MUSK: variants seen among roughly 807,000 people sequenced by gnomAD.
MUSK encodes muscle, skeletal receptor tyrosine-protein kinase.
Under a neutral mutation model 88.7 loss-of-function variants are expected in MUSK, and 55 were observed. That is an observed-to-expected ratio of 0.62 (90% CI 0.50 to 0.78). The LOEUF (loss-of-function observed/expected upper bound fraction) is 0.78. MUSK is among the 30% of genes least tolerant of loss of function. MUSK has a pLI of 0.00. For missense variants in MUSK, 1,015 were observed against 1,074.3 expected (o/e 0.94, Z 0.77); for synonymous variants, 387 against 391.9 (o/e 0.99, Z 0.15).
intron 5 of MUSK, chr9:110,728,853 C>A: frequency 1.6e-6 from 1 of 617,684 alleles, no homozygotes; most frequent in Non-Finnish European, 2.6e-6. Context: ...AATATTAAGT[C>A]ACAGCACTTA....
chr9:110,728,645 G>A lies in MUSK; in HGVS notation c.629-5606G>A, dbSNP rs12551974. 0.21 allele frequency: 262,284 copies of A among 1,268,450 alleles called. 30,545 individuals are homozygous for A. The highest frequency in any genetic ancestry group is 0.49 in the East Asian group (21,008 of 42,614). 78.6% of individuals were successfully genotyped at this position (1,268,450 alleles called of 1,614,324 possible). A position where few individuals can be genotyped will look rare whatever the true frequency, so the allele number is the denominator to read the frequency against. On this transcript the variant is annotated intron_variant, in intron 5 of 14. Transcript: ENST00000374448. ...TTTCATGATGTGTTGTTTTGTTTGC[G>A]TGTTTATTGTGTGTGTTTGTTTTGT...
chr9:110,668,941 C>CT lies in MUSK; in HGVS notation c.39dup (p.Thr14TyrfsTer9). 6.2e-7 allele frequency: 1 copy of CT among 1,613,842 alleles called. No individual in the cohort carries two copies. The highest frequency in any genetic ancestry group is 8.5e-7 in the Non-Finnish European group (1 of 1,179,752). ...CGTCAACATTCCACTGGTACATATT[C>CT]TTACTCTGGTTGCCTTCAGCGGAAC... On this transcript the variant is annotated frameshift_variant, in exon 1 of 15. Coordinates refer to ENST00000374448, the MANE Select transcript of MUSK (RefSeq NM_005592.4). LOFTEE classifies it high-confidence loss of function.
At chr9:110,669,126 G>C in intron 1 of MUSK, 143 bp downstream of exon 1, 11 of 757,320 alleles carry the variant, frequency 1.5e-5, no homozygotes, top group Non-Finnish European at 2.6e-5. Context: ...GATGAGGGAG[G>C]AAATTATATA....
chr9:110,697,549 G>C, intron 5 of MUSK, 83 bp downstream of exon 5: 2 of 1,435,982 alleles, frequency 1.4e-6, no homozygotes, highest in Non-Finnish European at 1.9e-6. Flanking sequence ...GCTTGGGAGA[G>C]AAGAGATGTG....
chr9:110,752,274 C>T (rs2077257939), intron 7 of MUSK, among the ~76,000 whole-genome samples: 1 of 152,200 alleles, frequency 6.6e-6, no homozygotes, highest in South Asian at 2.1e-4. Context: ...TACCTCCCAA[C>T]ACTGGGGTGC....
At chr9:110,740,088 C>T (rs1215904881) in intron 6 of MUSK, among the ~76,000 whole-genome samples, 2 of 152,066 alleles carry the variant, frequency 1.3e-5, no homozygotes, top group African/African-American at 4.8e-5. Flanking sequence ...TTAAGGAAGG[C>T]AAAACCTTAT....
intron 3 of MUSK, among the ~76,000 whole-genome samples, chr9:110,694,385 C>CAAAAAAAAAAAAA (rs796590211): frequency 7.7e-5 from 4 of 51,742 alleles, no homozygotes; most frequent in Non-Finnish European, 1.1e-4. Flanking sequence ...GACTCCGTCT[C>CAAAAAAAAAAAAA]AAAAAAAAAA....
chr9:110,774,558 TTAAC>T (rs1303856067), intron 9 of MUSK, among the ~76,000 whole-genome samples: 1 of 152,152 alleles, frequency 6.6e-6, no homozygotes, highest in African/African-American at 2.4e-5. Context: ...GATTTACACT[TTAAC>T]TATGCTGTCT....
At chr9:110,764,871 A>G (rs957533695) in intron 8 of MUSK, among the ~76,000 whole-genome samples, 3 of 152,064 alleles carry the variant, frequency 2.0e-5, no homozygotes, top group Admixed American at 6.6e-5. Context: ...TAAAACTAAG[A>G]TCTTCTCATT....
At chr9:110,739,993 T>C (rs953662106) in intron 6 of MUSK, among the ~76,000 whole-genome samples, 6 of 152,124 alleles carry the variant, frequency 3.9e-5, no homozygotes, top group Non-Finnish European at 7.4e-5. Flanking sequence ...CAAAGAAGTG[T>C]CCCAAATCGG....
At position 110,762,242 on chromosome 9, in the gene MUSK, T is replaced by C. The variant is rs775027401; in HGVS notation, c.920+34T>C. 9.3e-6 allele frequency: 13 copies of C among 1,399,056 alleles called. No individual in the cohort carries two copies. The South Asian group carries it at 1.1e-4, about 11-fold the overall frequency. The allele number at this position is 1,399,056 out of a possible 1,614,324, so 86.7% of individuals were successfully genotyped here. A position where few individuals can be genotyped will look rare whatever the true frequency, so the allele number is the denominator to read the frequency against. Reference sequence around the variant, plus strand: ...CTGTTATTGTAACAATTGTTTCCAATGTTTTGTTTTGTAGGGATTTCGTTT... The same window carrying C: ...CTGTTATTGTAACAATTGTTTCCAACGTTTTGTTTTGTAGGGATTTCGTTT... On this transcript the variant is annotated intron_variant, in intron 8 of 14. Coordinates refer to ENST00000374448, the MANE Select transcript of MUSK (RefSeq NM_005592.4).
chr9:110,725,930 C>T (rs772181995), intron 5 of MUSK, among the ~76,000 whole-genome samples: 4 of 151,830 alleles, frequency 2.6e-5, no homozygotes, highest in Non-Finnish European at 4.4e-5. Context: ...GTAGGCTAGG[C>T]GAGCAGGATA....
At chr9:110,722,515 G>T (rs2076826784) in intron 5 of MUSK, among the ~76,000 whole-genome samples, 1 of 151,784 alleles carries the variant, frequency 6.6e-6, no homozygotes, top group African/African-American at 2.4e-5. Flanking sequence ...GGGCAACAGA[G>T]CGAGACACCA....
rs551423795 is a variant in MUSK, at chr9:110,687,218, A to G, written c.308A>G (p.Asn103Ser). ...DDGIYCCTAN[N>S]GVGGAVESCG... ...GGCATTTACTGCTGCACGGCCAACA[A>G]TGGTGTGGGAGGAGCTGTGGAGAGT... is the stretch of plus-strand genomic sequence containing the variant. Residue 103 changes from asparagine (N) to serine (S), a missense_variant, in exon 3 of 15, where the codon AAT (asparagine) becomes AGT (serine). By Grantham distance (46) the Asn-to-Ser change is conservative. Transcript: ENST00000374448. 1.9e-5 allele frequency: 30 copies of G among 1,613,866 alleles called. No homozygotes were observed. The highest frequency in any genetic ancestry group is 1.0e-4 in the Admixed American group (6 of 60,000).
chr9:110,672,517 G>T (rs1396716520), intron 1 of MUSK, among the ~76,000 whole-genome samples: 2 of 152,152 alleles, frequency 1.3e-5, no homozygotes, highest in Non-Finnish European at 2.9e-5. Flanking sequence ...TACAGCTAAA[G>T]AACTAGAGAG....
rs375179321 is a variant in MUSK at position 110,697,308 on chromosome 9, G to A, written c.487-17G>A. On this transcript the variant is annotated splice_polypyrimidine_tract_variant and intron_variant, in intron 4 of 14. Coordinates refer to ENST00000374448, the MANE Select transcript of MUSK (RefSeq NM_005592.4). Reference sequence around the variant, plus strand: ...GACCCATAAACATTTTTGAATTCACGTCCCTATCTCTGGCAGGAAAATTCC... The same window carrying A: ...GACCCATAAACATTTTTGAATTCACATCCCTATCTCTGGCAGGAAAATTCC... 1.6e-5 allele frequency: 25 copies of A among 1,611,516 alleles called. No individual in the cohort carries two copies. The East Asian group carries it at 2.0e-4, about 13-fold the overall frequency.
chr9:110,680,156 G>A (rs1343751380), intron 1 of MUSK, among the ~76,000 whole-genome samples: 1 of 151,968 alleles, frequency 6.6e-6, no homozygotes, highest in African/African-American at 2.4e-5. Context: ...ACCTAAGCTA[G>A]CTGTGTAATT....
chr9:110,742,086 A>C (rs969231129), intron 6 of MUSK, among the ~76,000 whole-genome samples: 8 of 152,062 alleles, frequency 5.3e-5, no homozygotes, highest in Admixed American at 5.2e-4. Flanking sequence ...CTTATTTGTC[A>C]ATGTGTTTTT....
chr9:110,697,735 G>GTAAAATAAT (rs2076452429), intron 5 of MUSK, among the ~76,000 whole-genome samples: 1 of 152,068 alleles, frequency 6.6e-6, no homozygotes, highest in Non-Finnish European at 1.5e-5. Context: ...TACTGTAACA[G>GTAAAATAAT]TAAAATAATA....
Sources: allele counts gnomAD v4.1 joint callset (sites outside exome capture counted in the v4.1 genomes callset), GRCh38; gene constraint gnomAD v4.1.1; transcripts MANE v1.5; gene names NCBI Gene and HGNC (gene_info 2026-07-23, HGNC 2026-07-21).